XKR6: variants seen among roughly 807,000 people sequenced by gnomAD.
XKR6 encodes XK related 6.
A neutral mutation model predicts 56.7 loss-of-function variants in XKR6; 22 were observed. The observed-to-expected ratio is 0.39, with a 90% CI of 0.28 to 0.55. The LOEUF (loss-of-function observed/expected upper bound fraction) is 0.55, where lower values mean the gene tolerates loss of function less well. Among genes scored for constraint, XKR6 ranks in the 20% least tolerant of loss-of-function variants. XKR6 has a pLI of 0.66. For missense variants in XKR6, 852 were observed against 889.0 expected, an observed-to-expected ratio of 0.96 and a Z score of 0.53; for synonymous variants, 524 against 387.8, an observed-to-expected ratio of 1.35 and a Z score of -4.13.
intron 1 of XKR6, among the ~76,000 whole-genome samples, chr8:11,114,751 G>A (rs1161062779): frequency 7.2e-6 from 1 of 137,966 alleles, no homozygotes; most frequent in African/African-American, 2.5e-5. Context: ...GTGTGTGTGT[G>A]TGTGTGTGTG....
At chr8:11,010,465 C>T (rs1403291141) in intron 1 of XKR6, among the ~76,000 whole-genome samples, 1 of 152,138 alleles carries the variant, frequency 6.6e-6, no homozygotes, top group East Asian at 1.9e-4. Context: ...TAAAATGAGA[C>T]AACAGTACCT....
intron 2 of XKR6, among the ~76,000 whole-genome samples, chr8:10,901,141 C>T (rs185319327): frequency 1.3e-5 from 2 of 151,016 alleles, no homozygotes; most frequent in East Asian, 3.9e-4. Context: ...TTGTGACCTC[C>T]ACTTGCCAGG....
At chr8:11,031,577 G>A (rs1798994215) in intron 1 of XKR6, among the ~76,000 whole-genome samples, 1 of 152,232 alleles carries the variant, frequency 6.6e-6, no homozygotes, top group Non-Finnish European at 1.5e-5. Context: ...GGATCTGCCA[G>A]CATCCCAGGA....
intron 1 of XKR6, among the ~76,000 whole-genome samples, chr8:11,102,691 TC>T (rs1300519058): frequency 6.6e-6 from 1 of 151,936 alleles, no homozygotes; most frequent in Non-Finnish European, 1.5e-5. Context: ...ACTTCAGCAT[TC>T]AAAGTTTCCA....
At chr8:11,168,934 G>A (rs74376812) in intron 1 of XKR6, among the ~76,000 whole-genome samples, 8,399 of 152,262 alleles carry the variant, frequency 0.055, 309 homozygotes, top group South Asian at 0.097. Flanking sequence ...TTGGGTTCCT[G>A]TGGGCACTTT....
intron 1 of XKR6, among the ~76,000 whole-genome samples, chr8:10,961,272 C>T (rs1356998881): frequency 6.6e-6 from 1 of 152,216 alleles, no homozygotes; most frequent in Admixed American, 6.5e-5. Context: ...GTGTGCCCAC[C>T]AGCCGGGACG....
chr8:11,000,257 CA>C (rs1320503995), intron 1 of XKR6, among the ~76,000 whole-genome samples: 1 of 152,148 alleles, frequency 6.6e-6, no homozygotes, highest in Non-Finnish European at 1.5e-5. Flanking sequence ...ACAGGAGAGC[CA>C]AAGAGCCCCT....
intron 1 of XKR6, among the ~76,000 whole-genome samples, chr8:11,136,250 C>A (rs1335974293): frequency 6.6e-6 from 1 of 152,200 alleles, no homozygotes; most frequent in African/African-American, 2.4e-5. Flanking sequence ...CGCGGCGGCT[C>A]ACGCCTGTAA....
intron 1 of XKR6, among the ~76,000 whole-genome samples, chr8:11,034,769 G>A (rs1006312784): frequency 6.6e-6 from 1 of 152,214 alleles, no homozygotes; most frequent in Non-Finnish European, 1.5e-5. Flanking sequence ...AGGGGTGATG[G>A]GTTGGAAGTG....
chr8:11,143,696 T>G (rs1360735492), intron 1 of XKR6, among the ~76,000 whole-genome samples: 1 of 152,072 alleles, frequency 6.6e-6, no homozygotes, highest in Non-Finnish European at 1.5e-5. Context: ...GGGATTGTGA[T>G]TAGGATGGGA....
At chr8:11,196,893 A>G (rs1054873477) in intron 1 of XKR6, among the ~76,000 whole-genome samples, 1 of 152,242 alleles carries the variant, frequency 6.6e-6, no homozygotes, top group Admixed American at 6.5e-5. Flanking sequence ...ATCCCTACAT[A>G]GAGGAGCAGA....
intron 1 of XKR6, among the ~76,000 whole-genome samples, chr8:10,929,243 G>A (rs1340595314): frequency 3.3e-5 from 5 of 152,212 alleles, no homozygotes; most frequent in African/African-American, 1.2e-4. Flanking sequence ...GCTCTATTAT[G>A]GGCATTTGGC....
chr8:11,074,406 T>G (rs539737376), intron 1 of XKR6, among the ~76,000 whole-genome samples: 1 of 152,246 alleles, frequency 6.6e-6, no homozygotes, highest in African/African-American at 2.4e-5. Flanking sequence ...CCTGCAAGAC[T>G]GCCCAGCCCT....
At chr8:11,002,698 G>A (rs1798271069) in intron 1 of XKR6, among the ~76,000 whole-genome samples, 1 of 152,250 alleles carries the variant, frequency 6.6e-6, no homozygotes, top group Non-Finnish European at 1.5e-5. Flanking sequence ...AGGGGGTGGT[G>A]CGAGTTCAAC....
At chr8:11,108,108 G>C (rs1010111032) in intron 1 of XKR6, 1 of 333,646 alleles carries the variant, frequency 3.0e-6, no homozygotes, top group East Asian at 9.0e-5. Context: ...AACAGAGATT[G>C]GAAACACGCA....
chr8:10,963,375 GTACTTTT>G (rs1443055199), intron 1 of XKR6, among the ~76,000 whole-genome samples: 5 of 152,176 alleles, frequency 3.3e-5, no homozygotes, highest in Non-Finnish European at 5.9e-5. Flanking sequence ...CTTATCTGCT[GTACTTTT>G]TTCCATAGCC....
intron 1 of XKR6, among the ~76,000 whole-genome samples, chr8:11,009,215 A>T (rs947723361): frequency 5.9e-5 from 9 of 152,108 alleles, no homozygotes; most frequent in African/African-American, 2.2e-4. Flanking sequence ...TCTCATTGAA[A>T]AGGTATAGGG....
intron 2 of XKR6, among the ~76,000 whole-genome samples, chr8:10,917,283 C>T (rs895283596): frequency 6.6e-6 from 1 of 152,168 alleles, no homozygotes; most frequent in African/African-American, 2.4e-5. Flanking sequence ...ACTTCCTTCC[C>T]TCTCTGTGCT....
At position 11,170,786 on chromosome 8, in the gene XKR6, G is replaced by A. The variant is rs1802327375; in HGVS notation, c.764+29790C>T. Among the ~76,000 whole-genome samples the A allele has an allele frequency of 2.0e-5, 3 of 152,214 alleles. No homozygotes were observed. The South Asian group carries it at 6.3e-4, about 32-fold the overall frequency. ...CTCAAGTACTGAAGCAAAATCTCAG[G>A]GGGCGCAACAATAGCATCTGTGCAT... On this transcript the variant is annotated intron_variant, in intron 1 of 2. Transcript: ENST00000416569.
Sources: allele counts gnomAD v4.1 joint callset (sites outside exome capture counted in the v4.1 genomes callset), GRCh38; gene constraint gnomAD v4.1.1; transcripts MANE v1.5; gene names NCBI Gene and HGNC (gene_info 2026-07-23, HGNC 2026-07-21).